MALRD1: variants seen among roughly 807,000 people sequenced by gnomAD.
MALRD1 encodes the protein MAM and LDL-receptor class A domain-containing protein 1.
Under a neutral mutation model 242.1 loss-of-function variants are expected in MALRD1, and 247 were observed. The ratio of observed to expected loss-of-function variants is 1.02; its 90% CI spans 0.92 to 1.13. MALRD1 has a LOEUF of 1.13. MALRD1 is among the 50% of genes most tolerant of loss of function. MALRD1 has a pLI of 0.00. For synonymous variants in MALRD1, 995 were observed against 866.6 expected, an observed-to-expected ratio of 1.15 and a Z score of -2.60; for missense variants, 2,989 against 2,533.1, an observed-to-expected ratio of 1.18 and a Z score of -3.86.
intron 36 of MALRD1, among the ~76,000 whole-genome samples, chr10:19,683,657 A>G (rs896955077): frequency 2.6e-5 from 4 of 152,194 alleles, no homozygotes; most frequent in African/African-American, 9.7e-5. Flanking sequence ...ACATTTTCAG[A>G]CCTTTACAGC....
intron 35 of MALRD1, among the ~76,000 whole-genome samples, chr10:19,609,022 A>T (rs1162507067): frequency 2.0e-5 from 3 of 152,088 alleles, no homozygotes; most frequent in Non-Finnish European, 1.5e-5. Context: ...TATTTACATA[A>T]AGACAAGATT....
chr10:19,452,377 T>C (rs1404470754), intron 29 of MALRD1, among the ~76,000 whole-genome samples: 1 of 152,220 alleles, frequency 6.6e-6, no homozygotes, highest in Admixed American at 6.5e-5. Flanking sequence ...AACACTTGGC[T>C]TACTAAGTTA....
intron 35 of MALRD1, among the ~76,000 whole-genome samples, chr10:19,609,439 G>A (rs1195879245): frequency 6.6e-6 from 1 of 151,978 alleles, no homozygotes; most frequent in Non-Finnish European, 1.5e-5. Flanking sequence ...CCACACTAAA[G>A]ATTTGTCAAT....
intron 18 of MALRD1, among the ~76,000 whole-genome samples, chr10:19,239,194 G>A (rs1011597218): frequency 6.6e-6 from 1 of 151,708 alleles, no homozygotes; most frequent in Non-Finnish European, 1.5e-5. Context: ...GAGTAGCTGG[G>A]GTTACAGGCA....
chr10:19,088,098 T>C lies in MALRD1; in HGVS notation c.510T>C (p.Pro170=). The change falls in exon 4 of 40, where the codon CCT becomes CCC. Residue 170 remains proline (P), a synonymous_variant. Transcript: ENST00000454679. ...GGCTTCAAACTGCATGTGGAGGTCC[T>C]ATTCAGCATTTATGGCAAAACACAG... ...MVGLQTACGG[P]IQHLWQNTAA... 8.1e-7 allele frequency: 1 copy of C among 1,233,620 alleles called. No individual in the cohort carries two copies. Among genetic ancestry groups the C allele is most frequent in the Non-Finnish European group, 1.0e-6 (1 of 987,910 alleles). The allele number at this position is 1,233,620 out of a possible 1,614,324, so 76.4% of individuals were successfully genotyped here.
In MALRD1 at chr10:19,681,155, G is replaced by C. The variant is rs1854073; in HGVS notation, c.6138-11127G>C. Among the ~76,000 whole-genome samples the C allele has an allele frequency of 4.6e-5, 7 of 152,130 alleles. No individual in the cohort carries two copies. The South Asian group carries it at 1.5e-3, about 32-fold the overall frequency. On this transcript the variant is annotated intron_variant, in intron 36 of 39. Transcript: ENST00000454679. ...TCTTCTTCTGGAGTATCTTACTGAG[G>C]TTCTCTTGATTTCCTGAATTTGAAT...
At chr10:19,371,615 C>T (rs1845383403) in intron 26 of MALRD1, among the ~76,000 whole-genome samples, 1 of 152,026 alleles carries the variant, frequency 6.6e-6, no homozygotes, top group South Asian at 2.1e-4. Context: ...TCTATTATCC[C>T]TTCTATATAT....
At chr10:19,620,497 A>G (rs1839353024) in intron 36 of MALRD1, among the ~76,000 whole-genome samples, 1 of 152,078 alleles carries the variant, frequency 6.6e-6, no homozygotes, top group Non-Finnish European at 1.5e-5. Context: ...TACATTTAAG[A>G]GAGTGATGTC....
At chr10:19,428,483 T>C (rs1439664321) in intron 28 of MALRD1, among the ~76,000 whole-genome samples, 1 of 152,042 alleles carries the variant, frequency 6.6e-6, no homozygotes, top group Non-Finnish European at 1.5e-5. Flanking sequence ...TTCCCCTTAT[T>C]CTCCTAATCT....
chr10:19,124,425 G>A, intron 6 of MALRD1, 99 bp from the exon 7 acceptor site: 2 of 976,410 alleles, frequency 2.0e-6, no homozygotes, highest in Non-Finnish European at 1.3e-6. Context: ...TGATGTGTAT[G>A]TGTGTATATA....
chr10:19,374,424 G>A (rs1487836820), intron 26 of MALRD1, among the ~76,000 whole-genome samples: 1 of 152,114 alleles, frequency 6.6e-6, no homozygotes, highest in Non-Finnish European at 1.5e-5. Flanking sequence ...AAGCCCAGTA[G>A]CATAATTACT....
At chr10:19,238,843 A>G (rs2131736871) in intron 18 of MALRD1, among the ~76,000 whole-genome samples, 1 of 151,378 alleles carries the variant, frequency 6.6e-6, no homozygotes, top group East Asian at 1.9e-4. Context: ...TCCCATCAAC[A>G]GTGTGTAAGT....
intron 24 of MALRD1, among the ~76,000 whole-genome samples, chr10:19,341,588 T>TCA (rs10696261): frequency 0.78 from 115,071 of 148,474 alleles, 45,003 homozygotes; most frequent in African/African-American, 0.87. Context: ...TATAAAACAC[T>TCA]CACACACACA....
intron 29 of MALRD1, among the ~76,000 whole-genome samples, chr10:19,477,883 C>T (rs1039312264): frequency 1.3e-5 from 2 of 152,164 alleles, no homozygotes; most frequent in African/African-American, 4.8e-5. Flanking sequence ...GTTGTCTGTT[C>T]ATTATTGTAC....
chr10:19,465,381 GC>G (rs1836168071), intron 29 of MALRD1, among the ~76,000 whole-genome samples: 1 of 152,010 alleles, frequency 6.6e-6, no homozygotes, highest in African/African-American at 2.4e-5. Flanking sequence ...TAATTTCTGA[GC>G]TTAAACATAT....
intron 18 of MALRD1, among the ~76,000 whole-genome samples, chr10:19,234,317 A>G (rs1838206453): frequency 6.6e-6 from 1 of 152,102 alleles, no homozygotes; most frequent in African/African-American, 2.4e-5. Context: ...ATATCTTAAA[A>G]ATACTCTCAT....
chr10:19,234,378 A>T (rs1347630945), intron 18 of MALRD1, among the ~76,000 whole-genome samples: 1 of 151,156 alleles, frequency 6.6e-6, no homozygotes, highest in Non-Finnish European at 1.5e-5. Flanking sequence ...CCCCTAAAAA[A>T]CATTTAAGAT....
chr10:19,601,041 C>T (rs1838316413), intron 34 of MALRD1, among the ~76,000 whole-genome samples: 1 of 151,894 alleles, frequency 6.6e-6, no homozygotes, highest in South Asian at 2.1e-4. Context: ...CCATGTCTGG[C>T]TAATTTTTTA....
chr10:19,367,830 T>C (rs1845173176), intron 26 of MALRD1, among the ~76,000 whole-genome samples: 1 of 152,152 alleles, frequency 6.6e-6, no homozygotes, highest in Non-Finnish European at 1.5e-5. Flanking sequence ...CTCATTGTGA[T>C]TTTGATTTGC....
Sources: allele counts gnomAD v4.1 joint callset (sites outside exome capture counted in the v4.1 genomes callset), GRCh38; gene constraint gnomAD v4.1.1; transcripts MANE v1.5; gene names NCBI Gene and HGNC (gene_info 2026-07-23, HGNC 2026-07-21).